The following LRP1B variants were observed in gnomAD, a reference collection of about 807,000 sequenced individuals.
LRP1B encodes low-density lipoprotein receptor-related protein 1B.
A neutral mutation model predicts 556.6 loss-of-function variants in LRP1B; 217 were observed. The ratio of observed to expected loss-of-function variants is 0.39; its 90% CI spans 0.35 to 0.44. LRP1B has a LOEUF of 0.44. Among genes scored for constraint, LRP1B ranks in the 20% least tolerant of loss-of-function variants. LRP1B has a pLI of 1.00. For missense variants in LRP1B, 5,053 were observed against 5,620.8 expected, an observed-to-expected ratio of 0.90 and a Z score of 3.23; for synonymous variants, 2,047 against 1,865.8, an observed-to-expected ratio of 1.10 and a Z score of -2.50.
At chr2:141,685,779 C>G (rs555720678) in intron 2 of LRP1B, among the ~76,000 whole-genome samples, 167 of 152,040 alleles carry the variant, frequency 1.1e-3, no homozygotes, top group African/African-American at 3.9e-3. Context: ...TTCCTGCAGC[C>G]TCCAGAAGAA....
At chr2:140,564,291 A>C (rs962479015) in intron 43 of LRP1B, among the ~76,000 whole-genome samples, 1 of 152,126 alleles carries the variant, frequency 6.6e-6, no homozygotes, top group African/African-American at 2.4e-5. Context: ...CCTGGTAGCA[A>C]ATTAAAAATC....
chr2:140,954,085 A>G (rs1035813710), intron 18 of LRP1B, among the ~76,000 whole-genome samples: 1 of 152,170 alleles, frequency 6.6e-6, no homozygotes, highest in African/African-American at 2.4e-5. Flanking sequence ...TATTTCCACT[A>G]TTTTAGGATT....
At chr2:142,113,164 A>T (rs976751755) in intron 1 of LRP1B, among the ~76,000 whole-genome samples, 10 of 152,056 alleles carry the variant, frequency 6.6e-5, no homozygotes, top group African/African-American at 2.4e-4. Flanking sequence ...AGTGAGTCAG[A>T]TGCAGAGCTG....
intron 2 of LRP1B, among the ~76,000 whole-genome samples, chr2:141,619,392 T>C (rs746845097): frequency 1.1e-3 from 164 of 152,212 alleles, no homozygotes; most frequent in Non-Finnish European, 1.6e-3. Context: ...GCTTGATAAA[T>C]GTTTGTTAAA....
At chr2:141,477,512 A>G (rs17613870) in intron 3 of LRP1B, among the ~76,000 whole-genome samples, 48,075 of 152,004 alleles carry the variant, frequency 0.32, 8,576 homozygotes, top group Non-Finnish European at 0.4. Context: ...GAGTTCCTAC[A>G]ATGTACCTTT....
chr2:141,386,244 TC>T (rs996093512), intron 3 of LRP1B, among the ~76,000 whole-genome samples: 33 of 151,760 alleles, frequency 2.2e-4, no homozygotes, highest in Non-Finnish European at 4.4e-4. Context: ...TACTTTAAAA[TC>T]CCCCCCAAAA....
intron 1 of LRP1B, among the ~76,000 whole-genome samples, chr2:141,940,051 C>T (rs1700751581): frequency 6.6e-6 from 1 of 151,890 alleles, no homozygotes; most frequent in Non-Finnish European, 1.5e-5. Flanking sequence ...AAACAAAACA[C>T]AAGCACTGAC....
chr2:140,724,454 C>A (rs1687518686), intron 35 of LRP1B, among the ~76,000 whole-genome samples: 1 of 152,180 alleles, frequency 6.6e-6, no homozygotes, highest in African/African-American at 2.4e-5. Context: ...TTATTTACTT[C>A]CATTTTATTG....
intron 2 of LRP1B, among the ~76,000 whole-genome samples, chr2:141,750,737 CA>C (rs1214296936): frequency 1.3e-5 from 2 of 151,736 alleles, no homozygotes; most frequent in Non-Finnish European, 2.9e-5. Flanking sequence ...TGATGGTACC[CA>C]AAATGAGAAT....
chr2:140,689,046 C>T lies in LRP1B; in HGVS notation c.6799+11204G>A, dbSNP rs188489623. Among the ~76,000 whole-genome samples, 418 of 152,232 alleles carry T rather than the reference C, an allele frequency of 2.7e-3. 1 individual carries two copies. Among genetic ancestry groups the T allele is most frequent in the Middle Eastern group, 0.01 (3 of 294 alleles). On this transcript the variant is annotated intron_variant, in intron 41 of 90. Transcript: ENST00000389484. Reference sequence around the variant, plus strand: ...ATTGATATCATCTAATCTTTGAAGTCCTAGACTATGAATTAAAATAAAACA... The same window carrying T: ...ATTGATATCATCTAATCTTTGAAGTTCTAGACTATGAATTAAAATAAAACA...
intron 3 of LRP1B, among the ~76,000 whole-genome samples, chr2:141,333,568 G>C (rs1687738026): frequency 6.6e-6 from 1 of 152,102 alleles, no homozygotes; most frequent in Admixed American, 6.6e-5. Flanking sequence ...ATACTATTTT[G>C]TAGTTTACAA....
intron 66 of LRP1B, among the ~76,000 whole-genome samples, chr2:140,432,994 T>A (rs533119757): frequency 6.6e-6 from 1 of 152,252 alleles, no homozygotes; most frequent in Non-Finnish European, 1.5e-5. Context: ...AAGCCATATA[T>A]GCTACTAAGT....
chr2:141,834,809 C>T (rs181963919), intron 1 of LRP1B, among the ~76,000 whole-genome samples: 23 of 151,896 alleles, frequency 1.5e-4, no homozygotes, highest in South Asian at 2.1e-4. Flanking sequence ...CTTTACAGTA[C>T]GCTGAGAAAG....
At chr2:140,948,845 T>C (rs1448458130) in intron 20 of LRP1B, among the ~76,000 whole-genome samples, 4 of 152,198 alleles carry the variant, frequency 2.6e-5, no homozygotes, top group Non-Finnish European at 5.9e-5. Flanking sequence ...ACACAATATG[T>C]ATTTTAATAC....
chr2:141,000,386 A>G (rs1389219817), intron 15 of LRP1B, among the ~76,000 whole-genome samples: 6 of 152,124 alleles, frequency 3.9e-5, no homozygotes, highest in Admixed American at 2.6e-4. Context: ...TAAAGTATAA[A>G]AGTGAGCAAT....
intron 2 of LRP1B, among the ~76,000 whole-genome samples, chr2:141,548,749 A>G (rs920844491): frequency 2.0e-5 from 3 of 152,096 alleles, no homozygotes; most frequent in African/African-American, 4.8e-5. Flanking sequence ...GTATGTATAA[A>G]TCCTGCTTAA....
chr2:140,882,884 T>G (rs1296359619), intron 25 of LRP1B, among the ~76,000 whole-genome samples: 1 of 152,158 alleles, frequency 6.6e-6, no homozygotes, highest in Non-Finnish European at 1.5e-5. Context: ...TGATATTACC[T>G]AAAGGTACAA....
chr2:140,400,676 TGA>T (rs1214266447), intron 66 of LRP1B, among the ~76,000 whole-genome samples: 1 of 152,062 alleles, frequency 6.6e-6, no homozygotes, highest in Non-Finnish European at 1.5e-5. Context: ...AGATTCACAG[TGA>T]GAACTTTTTT....
chr2:141,453,473 C>A (rs1175728679), intron 3 of LRP1B, among the ~76,000 whole-genome samples: 1 of 152,096 alleles, frequency 6.6e-6, no homozygotes, highest in African/African-American at 2.4e-5. Context: ...TTTATCTGAA[C>A]TCTAATAATA....
Sources: allele counts gnomAD v4.1 joint callset (sites outside exome capture counted in the v4.1 genomes callset), GRCh38; gene constraint gnomAD v4.1.1; transcripts MANE v1.5; gene names NCBI Gene and HGNC (gene_info 2026-07-23, HGNC 2026-07-21).